AOAH: variants seen among roughly 807,000 people sequenced by gnomAD.
AOAH encodes acyloxyacyl hydrolase, also known as acyloxyacyl hydrolase (neutrophil).
AOAH carries 64 observed loss-of-function variants against 92.2 expected under a neutral mutation model. That is an observed-to-expected ratio of 0.69 (90% CI 0.57 to 0.86). The LOEUF is 0.86. Among genes scored for constraint, AOAH ranks in the 40% least tolerant of loss-of-function variants. The pLI is 0.00. For missense variants in AOAH, 656 were observed against 694.6 expected (o/e 0.94, Z 0.62); for synonymous variants, 263 against 254.5 (o/e 1.03, Z -0.32).
chr7:36,566,495 G>A (rs181955378), intron 13 of AOAH, among the ~76,000 whole-genome samples: 241 of 151,846 alleles, frequency 1.6e-3, no homozygotes, highest in Admixed American at 5.1e-3. Flanking sequence ...GGTGTTTGCT[G>A]TCTTGTCAGA....
At chr7:36,587,260 A>AGT (rs1267212348) in intron 12 of AOAH, among the ~76,000 whole-genome samples, 1 of 137,948 alleles carries the variant, frequency 7.2e-6, no homozygotes, top group Non-Finnish European at 1.5e-5. Context: ...CAATAGAGAG[A>AGT]GACTCCGTCT....
At chr7:36,544,480 G>A (rs1785664186) in intron 15 of AOAH, among the ~76,000 whole-genome samples, 1 of 152,082 alleles carries the variant, frequency 6.6e-6, no homozygotes, top group African/African-American at 2.4e-5. Flanking sequence ...CGACTCCAGG[G>A]TCCCAGCACC....
intron 11 of AOAH, among the ~76,000 whole-genome samples, chr7:36,613,082 TTAAAA>T (rs1311065544): frequency 6.6e-6 from 1 of 152,220 alleles, no homozygotes; most frequent in Non-Finnish European, 1.5e-5. Flanking sequence ...GGAGTATTTC[TTAAAA>T]TAATTTTTTT....
chr7:36,641,509 C>T (rs1005911036), intron 4 of AOAH, among the ~76,000 whole-genome samples: 1 of 152,112 alleles, frequency 6.6e-6, no homozygotes, highest in Non-Finnish European at 1.5e-5. Context: ...GACTTAAATT[C>T]ACAAAATTAT....
At chr7:36,670,297 C>A (rs1795837400) in intron 3 of AOAH, among the ~76,000 whole-genome samples, 1 of 152,174 alleles carries the variant, frequency 6.6e-6, no homozygotes, top group South Asian at 2.1e-4. Flanking sequence ...TGGCTTAAAA[C>A]AAGCTGTATG....
intron 20 of AOAH, among the ~76,000 whole-genome samples, chr7:36,517,961 A>C (rs1221845719): frequency 6.8e-6 from 1 of 146,136 alleles, no homozygotes; most frequent in African/African-American, 2.6e-5. Context: ...ACACACACAC[A>C]CACACACACG....
rs184662176 is a variant in AOAH, at chr7:36,653,538, C to T, written c.390+5628G>A. On this transcript the variant is annotated intron_variant, in intron 4 of 20. Coordinates refer to ENST00000617537, the MANE Select transcript of AOAH (RefSeq NM_001637.4). Reference sequence around the variant, plus strand: ...AATATGATTCCCTGTGCATACACACCCTCCCCCACACTCAGCATCAGAGAG... The same window carrying T: ...AATATGATTCCCTGTGCATACACACTCTCCCCCACACTCAGCATCAGAGAG... Among the ~76,000 whole-genome samples the T allele has an allele frequency of 5.9e-5, 9 of 152,162 alleles. No homozygotes were observed. In the East Asian group the frequency reaches 9.7e-4, roughly 16 times the overall value.
At position 36,540,484 on chromosome 7, in the gene AOAH, C is replaced by T. The variant is rs1359356114; in HGVS notation, c.1141G>A (p.Asp381Asn). 1.2e-6 allele frequency: 2 copies of T among 1,608,100 alleles called. No homozygotes were observed. The highest frequency in any genetic ancestry group is 2.7e-5 in the African/African-American group (2 of 74,762). The part of the protein sequence containing the change: ...IGNDVCSGKS[D>N]PVPAMTTPEK... ...GGAGTGGTCATGGCTGGGACTGGGT[C>T]ACTCTTCCTGTTGGTGGAATAAACA... is the stretch of plus-strand genomic sequence containing the variant. Residue 381 changes from aspartate (D) to asparagine (N), a missense_variant, in exon 16 of 21, where the codon GAC becomes AAC. Coordinates refer to ENST00000617537, the MANE Select transcript of AOAH (RefSeq NM_001637.4).
intron 19 of AOAH, among the ~76,000 whole-genome samples, chr7:36,524,238 G>A (rs1562532808): frequency 2.0e-5 from 3 of 151,902 alleles, no homozygotes; most frequent in Admixed American, 1.3e-4. Flanking sequence ...GGTGTTGCAC[G>A]GACTGAATGT....
At chr7:36,641,359 T>C (rs1306198375) in intron 4 of AOAH, among the ~76,000 whole-genome samples, 1 of 152,156 alleles carries the variant, frequency 6.6e-6, no homozygotes, top group Non-Finnish European at 1.5e-5. Flanking sequence ...AATTTTCCAG[T>C]TGCAGCGCTG....
rs1791683994 is a variant in AOAH, at chr7:36,614,207, G to C, written c.846+2173C>G. ...ACCCCCTTCTCTAATGGACACGGTG[G>C]CTCTTGGGACGAGTCTGTTGTGGCA... On this transcript the variant is annotated intron_variant, in intron 11 of 20. Coordinates refer to ENST00000617537, the MANE Select transcript of AOAH (RefSeq NM_001637.4). The surrounding 1 kb of genome is among the most constrained non-coding windows in gnomAD (Gnocchi z 4.2). Among the ~76,000 whole-genome samples, 2 of 152,166 alleles carry C rather than the reference G, an allele frequency of 1.3e-5. No individual in the cohort carries two copies. Among genetic ancestry groups the C allele is most frequent in the Non-Finnish European group, 2.9e-5 (2 of 68,030 alleles).
At chr7:36,723,069 A>G (rs1379341789) in intron 1 of AOAH, among the ~76,000 whole-genome samples, 1 of 152,084 alleles carries the variant, frequency 6.6e-6, no homozygotes, top group South Asian at 2.1e-4. Flanking sequence ...CTCCAGAAAC[A>G]ATTCCTAAGT....
intron 19 of AOAH, among the ~76,000 whole-genome samples, chr7:36,523,403 C>A (rs73687530): frequency 0.074 from 11,277 of 152,230 alleles, 682 homozygotes; most frequent in African/African-American, 0.17. Flanking sequence ...TGGTAAATAG[C>A]ACTTCTATCT....
chr7:36,534,252 G>GC (rs1784874163), intron 16 of AOAH, among the ~76,000 whole-genome samples: 1 of 152,088 alleles, frequency 6.6e-6, no homozygotes, highest in Admixed American at 6.5e-5. Flanking sequence ...CTGATGGCCA[G>GC]CACAGCTCCC....
intron 13 of AOAH, among the ~76,000 whole-genome samples, chr7:36,575,642 T>A (rs1165969094): frequency 6.6e-6 from 1 of 152,188 alleles, no homozygotes; most frequent in Non-Finnish European, 1.5e-5. Flanking sequence ...TGGTAAGAGC[T>A]CAGTTAATGG....
intron 3 of AOAH, among the ~76,000 whole-genome samples, chr7:36,670,058 C>CT (rs752224082): frequency 1.2e-4 from 17 of 144,470 alleles, no homozygotes; most frequent in Admixed American, 3.5e-4. Context: ...CTCAGGTATC[C>CT]TTTTTTTGTT....
chr7:36,583,214 G>A (rs1789061073), intron 12 of AOAH, among the ~76,000 whole-genome samples: 1 of 152,172 alleles, frequency 6.6e-6, no homozygotes, highest in African/African-American at 2.4e-5. Flanking sequence ...GGGTTGGTGA[G>A]AAATACCTGG....
chr7:36,604,089 G>A (rs1790803888), intron 11 of AOAH, among the ~76,000 whole-genome samples: 1 of 152,094 alleles, frequency 6.6e-6, no homozygotes, highest in South Asian at 2.1e-4. Context: ...TTCTCACATG[G>A]GGGCAAGGGA....
At chr7:36,699,186 T>G (rs1299235092) in intron 1 of AOAH, among the ~76,000 whole-genome samples, 2 of 152,142 alleles carry the variant, frequency 1.3e-5, no homozygotes, top group African/African-American at 4.8e-5. Context: ...CGTACCATAT[T>G]TTCTTTATGT....
Sources: allele counts gnomAD v4.1 joint callset (sites outside exome capture counted in the v4.1 genomes callset), GRCh38; gene constraint gnomAD v4.1.1; non-coding constraint Gnocchi (gnomAD v3.1); transcripts MANE v1.5; gene names NCBI Gene and HGNC (gene_info 2026-07-23, HGNC 2026-07-21).